PRKN: variants seen among roughly 807,000 people sequenced by gnomAD.
PRKN encodes E3 ubiquitin-protein ligase parkin.
PRKN carries 56 observed loss-of-function variants against 59.5 expected under a neutral mutation model. The observed-to-expected ratio is 0.94, with a 90% CI of 0.76 to 1.18. The LOEUF is 1.18. Among genes scored for constraint, PRKN ranks in the 50% most tolerant of loss-of-function variants. The pLI is 0.00. For synonymous variants in PRKN, 250 were observed against 222.1 expected, an observed-to-expected ratio of 1.13 and a Z score of -1.12; for missense variants, 657 against 596.4, an observed-to-expected ratio of 1.10 and a Z score of -1.06.
chr6:162,331,180 A>AAG (rs1183748114), intron 2 of PRKN, among the ~76,000 whole-genome samples: 6 of 151,940 alleles, frequency 3.9e-5, no homozygotes, highest in African/African-American at 1.5e-4. Context: ...AAAAAAAAAA[A>AAG]AATGCCAGGA....
Position 161,576,622 on chromosome 6 carries a change from T to C in PRKN, c.872-7206A>G, listed in dbSNP as rs377523681. Among the ~76,000 whole-genome samples the C allele has an allele frequency of 1.3e-5, 2 of 152,132 alleles. No individual in the cohort carries two copies. Among genetic ancestry groups the C allele is most frequent in the African/African-American group, 2.4e-5 (1 of 41,438 alleles). Reference sequence around the variant, plus strand: ...AATTAAAACAGACAAAAATCCCTCATTGGAGCTTGCATTCTAAAGGGGCGA... The same window carrying C: ...AATTAAAACAGACAAAAATCCCTCACTGGAGCTTGCATTCTAAAGGGGCGA... On this transcript the variant is annotated intron_variant, in intron 7 of 11. Transcript: ENST00000366898. This position sits in a 1 kb window ranked among gnomAD's most constrained non-coding sequence, Gnocchi z 4.6.
At chr6:162,522,249 A>G (rs886369584) in intron 1 of PRKN, among the ~76,000 whole-genome samples, 1 of 152,188 alleles carries the variant, frequency 6.6e-6, no homozygotes, top group Admixed American at 6.5e-5. Flanking sequence ...TCAGCCTCCC[A>G]AGTAGCTGGG....
At chr6:162,161,778 A>G (rs1053849579) in intron 4 of PRKN, among the ~76,000 whole-genome samples, 2 of 152,204 alleles carry the variant, frequency 1.3e-5, no homozygotes, top group Non-Finnish European at 2.9e-5. Flanking sequence ...TTATCAACGC[A>G]ACATAACAAG....
intron 2 of PRKN, among the ~76,000 whole-genome samples, chr6:162,380,674 GATATAAGCCTTGAGAA>G (rs1354563142): frequency 6.6e-6 from 1 of 151,466 alleles, no homozygotes; most frequent in African/African-American, 2.4e-5. Flanking sequence ...TCATTTGCTA[GATATAAGCCTTGAGAA>G]ATATACTTCT....
chr6:162,204,714 GT>G lies in PRKN; in HGVS notation c.413-3463del, dbSNP rs35258663. Among the ~76,000 whole-genome samples the G allele has an allele frequency of 3.6e-4, 54 of 148,276 alleles. 2 individuals carry two copies. In the South Asian group the frequency reaches 8.5e-3, roughly 23 times the overall value. ...TATGTTAATTTTATTCAGAAGTTTT[GT>G]TTTTTTTTTTTCCTGCAGAGAAGTT... On this transcript the variant is annotated intron_variant, in intron 3 of 11. Transcript: ENST00000366898.
chr6:162,423,879 G>C lies in PRKN; in HGVS notation c.171+19431C>G, dbSNP rs533482355. Among the ~76,000 whole-genome samples the C allele has an allele frequency of 2.2e-3, 338 of 152,192 alleles. 1 individual carries two copies. The highest frequency in any genetic ancestry group is 7.1e-3 in the African/African-American group (296 of 41,522). ...GTTTAGATGAATGCCTAATGACAAG[G>C]GTGATGCTTATGCCATTCTAAAAGT... On this transcript the variant is annotated intron_variant, in intron 2 of 11. Transcript: ENST00000366898.
chr6:162,303,348 C>T (rs1034923392), intron 2 of PRKN, among the ~76,000 whole-genome samples: 20 of 152,262 alleles, frequency 1.3e-4, no homozygotes, highest in Non-Finnish European at 2.4e-4. Context: ...TTTGGCAATA[C>T]AAAAACTTTT....
chr6:162,243,103 A>T (rs1779053731), intron 3 of PRKN, among the ~76,000 whole-genome samples: 1 of 152,044 alleles, frequency 6.6e-6, no homozygotes, highest in South Asian at 2.1e-4. Context: ...TATGCTATGA[A>T]TGGGGTCCTC....
intron 6 of PRKN, among the ~76,000 whole-genome samples, chr6:161,887,801 G>C (rs1442205036): frequency 1.3e-5 from 2 of 152,150 alleles, no homozygotes; most frequent in African/African-American, 4.8e-5. Context: ...AACAAAAACA[G>C]TTATTTTGTC....
In PRKN at chr6:161,831,040, C is replaced by T. The variant is rs117338558; in HGVS notation, c.735-45132G>A. 5.1e-3 allele frequency among the ~76,000 whole-genome samples: 773 copies of T among 152,280 alleles called. 31 individuals carry two copies. The East Asian group carries it at 0.11, about 21-fold the overall frequency. The stretch of plus-strand genomic sequence containing the variant: ...CACTGTTATCCAGATCCCTTTTTAT[C>T]AACAGGAAACATCAGCTCTGCAGTA... On this transcript the variant is annotated intron_variant, in intron 6 of 11. Transcript: ENST00000366898.
At chr6:162,416,851 T>C (rs1169196967) in intron 2 of PRKN, among the ~76,000 whole-genome samples, 1 of 152,164 alleles carries the variant, frequency 6.6e-6, no homozygotes, top group Non-Finnish European at 1.5e-5. Context: ...ACAGAAAATA[T>C]ACTAAAATGA....
chr6:161,834,786 C>T (rs940133130), intron 6 of PRKN, among the ~76,000 whole-genome samples: 13 of 152,192 alleles, frequency 8.5e-5, no homozygotes, highest in South Asian at 2.1e-4. Context: ...AGGGTGGCTG[C>T]GATGGGAGGG....
At chr6:162,637,114 G>T (rs1211465412) in intron 1 of PRKN, among the ~76,000 whole-genome samples, 1 of 151,822 alleles carries the variant, frequency 6.6e-6, no homozygotes, top group African/African-American at 2.4e-5. Context: ...AAAAATAGCC[G>T]GGCGTGGTGG....
intron 1 of PRKN, among the ~76,000 whole-genome samples, chr6:162,715,667 C>T (rs181915388): frequency 1.3e-5 from 2 of 152,254 alleles, no homozygotes; most frequent in African/African-American, 2.4e-5. Flanking sequence ...TAAGATTGAG[C>T]GGTTCCTCAT....
At chr6:162,556,401 G>GTGTGTGTGTGTGTCTGTC in intron 1 of PRKN, among the ~76,000 whole-genome samples, 1 of 131,244 alleles carries the variant, frequency 7.6e-6, no homozygotes, top group South Asian at 2.7e-4. Flanking sequence ...GTGTGTGTGT[G>GTGTGTGTGTGTGTCTGTC]TGTCAGTTTG....
At chr6:162,658,720 A>G (rs1440160651) in intron 1 of PRKN, among the ~76,000 whole-genome samples, 1 of 151,874 alleles carries the variant, frequency 6.6e-6, no homozygotes, top group Non-Finnish European at 1.5e-5. Flanking sequence ...AAAAGAAAAA[A>G]AAAAGAAATA....
At chr6:161,818,939 C>A (rs1791904436) in intron 6 of PRKN, among the ~76,000 whole-genome samples, 1 of 152,076 alleles carries the variant, frequency 6.6e-6, no homozygotes, top group Non-Finnish European at 1.5e-5. Flanking sequence ...AGGGCCTTAT[C>A]CATCTAACAT....
At chr6:162,174,398 T>C (rs1053088987) in intron 4 of PRKN, among the ~76,000 whole-genome samples, 1 of 152,156 alleles carries the variant, frequency 6.6e-6, no homozygotes, top group Non-Finnish European at 1.5e-5. Context: ...CACAAACTCA[T>C]GCACCCATAA....
At chr6:161,564,786 G>T (rs566365347) in intron 8 of PRKN, among the ~76,000 whole-genome samples, 3 of 152,138 alleles carry the variant, frequency 2.0e-5, no homozygotes, top group South Asian at 4.1e-4. Flanking sequence ...AGATCTCAGC[G>T]TGCACAGGGG....
Sources: gnomAD v4.1 joint callset for allele counts (sites outside exome capture counted in the v4.1 genomes callset) on GRCh38, gnomAD v4.1.1 for gene constraint, Gnocchi (gnomAD v3.1) non-coding constraint, MANE v1.5 for transcripts, NCBI Gene and HGNC (gene_info 2026-07-23, HGNC 2026-07-21) for gene names.